Variants in HELB observed in about 807,000 individuals in gnomAD.
The protein encoded by HELB is DNA helicase B, also known as DNA 5'-3' helicase B.
A neutral mutation model predicts 101.7 loss-of-function variants in HELB; 96 were observed. That is an observed-to-expected ratio of 0.94 (90% CI 0.80 to 1.12). The LOEUF is 1.12. HELB is among the 50% of genes most tolerant of loss of function. The probability of loss-of-function intolerance (pLI) is 0.00; values close to 1 mark genes in which losing one functional copy is unlikely to be tolerated. For synonymous variants in HELB, 437 were observed against 459.7 expected, an observed-to-expected ratio of 0.95 and a Z score of 0.63; for missense variants, 1,210 against 1,291.9, an observed-to-expected ratio of 0.94 and a Z score of 0.97.
At chr12:66,303,070 A>G (rs1592627358) in intron 1 of HELB, among the ~76,000 whole-genome samples, 1 of 141,156 alleles carries the variant, frequency 7.1e-6, no homozygotes, top group African/African-American at 2.6e-5. Flanking sequence ...GTGGAAGGGG[A>G]CCCGAGCGGG....
At chr12:66,303,491 G>A (rs900982181) in intron 1 of HELB, among the ~76,000 whole-genome samples, 2 of 151,868 alleles carry the variant, frequency 1.3e-5, no homozygotes, top group Non-Finnish European at 2.9e-5. Context: ...AAATTAGCCG[G>A]GCGTGATGTC....
chr12:66,329,448 C>CT (rs2053780078), intron 11 of HELB, among the ~76,000 whole-genome samples: 1 of 151,986 alleles, frequency 6.6e-6, no homozygotes, highest in South Asian at 2.1e-4. Flanking sequence ...AGGCCATGGA[C>CT]TGAGGAATGC....
intron 12 of HELB, among the ~76,000 whole-genome samples, chr12:66,332,604 G>T (rs1288813610): frequency 6.6e-6 from 1 of 152,138 alleles, no homozygotes; most frequent in Non-Finnish European, 1.5e-5. Context: ...CAGTGCTTGT[G>T]TCAAGTGATC....
intron 12 of HELB, among the ~76,000 whole-genome samples, chr12:66,337,047 G>A (rs2053873867): frequency 6.6e-6 from 1 of 152,146 alleles, no homozygotes; most frequent in Non-Finnish European, 1.5e-5. Context: ...GAGCTGATGG[G>A]ACTTAATGAT....
rs763931667 is a variant in HELB, at chr12:66,324,027, G to T, written c.2342G>T (p.Cys781Phe). Residue 781 changes from cysteine to phenylalanine, a missense_variant, in exon 10 of 13, where the codon TGT becomes TTT. Cys to Phe is a radical substitution (Grantham distance 205). Around this residue, in one of 2 missense-constraint regions of HELB, gnomAD observed 740 missense variants for 728.8 expected, o/e 1.02. Coordinates refer to ENST00000247815, the MANE Select transcript of HELB (RefSeq NM_001370285.1). ...GTTTTTGGAATTGGTGATAAAATTT[G>T]TTGTACCAGGAATGCATACCTCTCA... ...RLVFGIGDKI[C>F]CTRNAYLSDL... 2.5e-6 allele frequency: 4 copies of T among 1,613,394 alleles called. No homozygotes were observed. Among genetic ancestry groups the T allele is most frequent in the Non-Finnish European group, 3.4e-6 (4 of 1,179,560 alleles).
Position 66,322,713 on chromosome 12 carries a change from G to A in HELB, c.2238-11G>A, listed in dbSNP as rs148383408. 789 of 1,600,358 alleles carry A rather than the reference G, an allele frequency of 4.9e-4. 1 individual carries two copies. Among genetic ancestry groups the A allele is most frequent in the South Asian group, 1.1e-3 (98 of 89,890 alleles). On this transcript the variant is annotated splice_polypyrimidine_tract_variant and intron_variant, in intron 8 of 12. Coordinates refer to ENST00000247815, the MANE Select transcript of HELB (RefSeq NM_001370285.1). ...CCATTAAGGTGACCCCTGCATTTTCGTGTGTTTCAGGCAAGACTGTGATCT... is the reference window on the plus strand; with the variant it reads ...CCATTAAGGTGACCCCTGCATTTTCATGTGTTTCAGGCAAGACTGTGATCT...
chr12:66,317,606 A>G (rs992727523), intron 6 of HELB, among the ~76,000 whole-genome samples: 5 of 152,160 alleles, frequency 3.3e-5, no homozygotes, highest in Non-Finnish European at 5.9e-5. Flanking sequence ...AATTCCTTTT[A>G]GTAACTTTTT....
rs2053421557 is a variant in HELB, at chr12:66,302,810, G to C, written c.187+20G>C. On this transcript the variant is annotated intron_variant, in intron 1 of 12. Coordinates refer to ENST00000247815, the MANE Select transcript of HELB (RefSeq NM_001370285.1). Reference sequence around the variant, plus strand: ...TCCGCGGTGAGGAAGGCGTCTGCCCGGGGGATGGGGTTGGAGGGTCCAAAG... The same window carrying C: ...TCCGCGGTGAGGAAGGCGTCTGCCCCGGGGATGGGGTTGGAGGGTCCAAAG... The C allele has an allele frequency of 2.5e-6, 4 of 1,586,550 alleles. No individual in the cohort carries two copies. Among genetic ancestry groups the C allele is most frequent in the Middle Eastern group, 1.8e-4 (1 of 5,656 alleles).
At chr12:66,326,735 T>C (rs951718032) in intron 11 of HELB, among the ~76,000 whole-genome samples, 1 of 151,442 alleles carries the variant, frequency 6.6e-6, no homozygotes, top group African/African-American at 2.4e-5. Context: ...TTTTTTTTTT[T>C]TAAAGGTAAA....
chr12:66,308,257 T>TA (rs957171905), intron 3 of HELB, among the ~76,000 whole-genome samples: 2 of 152,072 alleles, frequency 1.3e-5, no homozygotes, highest in Admixed American at 6.5e-5. Context: ...GGCTTGGGGA[T>TA]ACCAGGTGGG....
At chr12:66,311,984 G>A (rs1007228727) in intron 4 of HELB, among the ~76,000 whole-genome samples, 1 of 152,212 alleles carries the variant, frequency 6.6e-6, no homozygotes, top group African/African-American at 2.4e-5. Context: ...GAATATGATC[G>A]TAGTGTGCCT....
At chr12:66,305,766 T>C (rs910588649) in intron 2 of HELB, among the ~76,000 whole-genome samples, 2 of 151,602 alleles carry the variant, frequency 1.3e-5, no homozygotes, top group Admixed American at 1.3e-4. Flanking sequence ...AAAAAATCAG[T>C]TGTAAATGAT....
intron 6 of HELB, among the ~76,000 whole-genome samples, chr12:66,317,699 C>A (rs972821552): frequency 2.0e-5 from 3 of 152,304 alleles, no homozygotes; most frequent in Middle Eastern, 3.4e-3. Flanking sequence ...TATGAAGGAT[C>A]CCTGCTATAT....
Position 66,314,162 on chromosome 12 carries a change from T to A in HELB, c.1857T>A (p.Leu619=), listed in dbSNP as rs1487886787. The change falls in exon 5 of 13, where the codon CTT becomes CTA. Residue 619 remains leucine (L), a splice_region_variant and synonymous_variant. Coordinates refer to ENST00000247815, the MANE Select transcript of HELB (RefSeq NM_001370285.1). ...EHSKLSKLII[L]GDIRQLPSIE... Reference sequence around the variant, plus strand: ...CCAAACTTTCTAAGCTTATTATCCTTGGTAAGTTAAAATATTGTTGGAATT... The same window carrying A: ...CCAAACTTTCTAAGCTTATTATCCTAGGTAAGTTAAAATATTGTTGGAATT... The A allele has an allele frequency of 6.2e-7, 1 of 1,610,894 alleles. No homozygotes were observed. The highest frequency in any genetic ancestry group is 1.3e-5 in the African/African-American group (1 of 74,876).
intron 4 of HELB, among the ~76,000 whole-genome samples, chr12:66,311,259 G>T (rs917324668): frequency 6.6e-6 from 1 of 151,944 alleles, no homozygotes; most frequent in African/African-American, 2.4e-5. Flanking sequence ...TCAGGAGTTT[G>T]AGACTTGCCT....
At chr12:66,340,005 CCATT>C (rs2053905736), downstream of HELB, 1 of 152,178 alleles carries the variant, frequency 6.6e-6, no homozygotes, top group Non-Finnish European at 1.5e-5. Flanking sequence ...TTGAATTTGT[CCATT>C]CATCAGTTGA....
At chr12:66,312,408 A>G (rs1013288596) in intron 4 of HELB, among the ~76,000 whole-genome samples, 4 of 152,224 alleles carry the variant, frequency 2.6e-5, no homozygotes, top group African/African-American at 9.6e-5. Context: ...AGAGTCATAG[A>G]GCCATGAGCC....
intron 6 of HELB, among the ~76,000 whole-genome samples, chr12:66,315,628 G>A (rs928878232): frequency 6.6e-6 from 1 of 152,144 alleles, no homozygotes; most frequent in African/African-American, 2.4e-5. Context: ...TTAAAAGTAT[G>A]TATATGAATT....
intron 6 of HELB, among the ~76,000 whole-genome samples, chr12:66,317,502 T>G (rs1049891297): frequency 1.3e-5 from 2 of 152,232 alleles, no homozygotes; most frequent in Non-Finnish European, 2.9e-5. Context: ...CACCCCATTT[T>G]TGGTAGACGA....
Sources: allele counts gnomAD v4.1 joint callset (sites outside exome capture counted in the v4.1 genomes callset), GRCh38; gene constraint gnomAD v4.1.1; regional missense constraint gnomAD v4.1.1; transcripts MANE v1.5; gene names NCBI Gene and HGNC (gene_info 2026-07-23, HGNC 2026-07-21).